Variants in NRG1 observed in about 807,000 individuals in gnomAD.
The protein encoded by NRG1 is neuregulin 1, also known as pro-neuregulin-1, membrane-bound isoform.
In NRG1, 18 loss-of-function variants were observed where a neutral mutation model predicts 63.8. The observed-to-expected ratio is 0.28, with a 90% CI of 0.19 to 0.42. NRG1 has a LOEUF of 0.42. Ranked by LOEUF, NRG1 falls within the 10% of genes least tolerant of loss-of-function variation. The probability of loss-of-function intolerance (pLI) is 1.00; values close to 1 mark genes in which losing one functional copy is unlikely to be tolerated. For missense variants in NRG1, 762 were observed against 814.7 expected (o/e 0.94, Z 0.79); for synonymous variants, 302 against 301.3 (o/e 1.00, Z -0.02).
chr8:31,913,133 T>C (rs1202309221), intron 1 of NRG1, among the ~76,000 whole-genome samples: 1 of 152,192 alleles, frequency 6.6e-6, no homozygotes, highest in Non-Finnish European at 1.5e-5. Context: ...CTCAGTTTGC[T>C]ATAGCTAGAA....
chr8:32,604,825 T>C (rs999374758), intron 2 of NRG1, among the ~76,000 whole-genome samples: 1 of 152,072 alleles, frequency 6.6e-6, no homozygotes, highest in African/African-American at 2.4e-5. Context: ...AAATTATAGG[T>C]TATGTGCAAC....
At chr8:31,944,634 T>C (rs1802258693) in intron 1 of NRG1, among the ~76,000 whole-genome samples, 1 of 152,196 alleles carries the variant, frequency 6.6e-6, no homozygotes, top group South Asian at 2.1e-4. Flanking sequence ...GTTTATTAAC[T>C]TCAGCCTTGT....
intron 1 of NRG1, among the ~76,000 whole-genome samples, chr8:32,385,525 G>C (rs921360337): frequency 1.3e-5 from 2 of 152,100 alleles, no homozygotes; most frequent in Non-Finnish European, 2.9e-5. Flanking sequence ...TTGGTTTCTG[G>C]GGAGGCCTAG....
intron 2 of NRG1, among the ~76,000 whole-genome samples, chr8:32,598,361 A>G (rs1163705665): frequency 8.0e-6 from 1 of 124,312 alleles, no homozygotes; most frequent in African/African-American, 2.6e-5. Context: ...AGATGAGAAA[A>G]TGAATTTTTT....
chr8:31,788,708 A>G (rs1157975984), intron 1 of NRG1, among the ~76,000 whole-genome samples: 1 of 152,228 alleles, frequency 6.6e-6, no homozygotes, highest in African/African-American at 2.4e-5. Flanking sequence ...GTGAGCATAC[A>G]GTGCTGGTAA....
At chr8:32,509,822 G>A (rs1828953843) in intron 1 of NRG1, among the ~76,000 whole-genome samples, 1 of 152,116 alleles carries the variant, frequency 6.6e-6, no homozygotes, top group Admixed American at 6.5e-5. Flanking sequence ...GTCCTAGCCT[G>A]TTGATGTGTG....
intron 1 of NRG1, among the ~76,000 whole-genome samples, chr8:32,511,306 C>A (rs1829168807): frequency 6.7e-6 from 1 of 148,174 alleles, no homozygotes; most frequent in Non-Finnish European, 1.5e-5. Flanking sequence ...TCAACACACA[C>A]ACACACATTT....
intron 1 of NRG1, among the ~76,000 whole-genome samples, chr8:32,023,031 C>A (rs1299975037): frequency 6.6e-6 from 1 of 152,170 alleles, no homozygotes; most frequent in Admixed American, 6.5e-5. Flanking sequence ...GAGACGGATG[C>A]ATATGCAACA....
intron 1 of NRG1, among the ~76,000 whole-genome samples, chr8:32,403,330 A>G (rs1319439817): frequency 6.6e-6 from 1 of 151,678 alleles, no homozygotes; most frequent in Non-Finnish European, 1.5e-5. Flanking sequence ...GAAAGAAAAA[A>G]GAAATGAGCA....
chr8:32,178,403 A>C (rs1841038030), intron 1 of NRG1, among the ~76,000 whole-genome samples: 1 of 152,176 alleles, frequency 6.6e-6, no homozygotes. Flanking sequence ...TGAGGTTAGC[A>C]GTTAGAGACC....
chr8:32,004,279 G>T (rs976121722), intron 1 of NRG1, among the ~76,000 whole-genome samples: 1 of 151,858 alleles, frequency 6.6e-6, no homozygotes, highest in African/African-American at 2.4e-5. Context: ...AGAACACAGG[G>T]CATATTGAGG....
chr8:32,127,559 T>TGTGTGTG (rs1468825128), intron 1 of NRG1, among the ~76,000 whole-genome samples: 1 of 83,438 alleles, frequency 1.2e-5, no homozygotes, highest in Non-Finnish European at 2.8e-5. Flanking sequence ...GTGTGTGTGT[T>TGTGTGTG]TAGAAATTCA....
At chr8:31,982,406 T>A (rs1208803070) in intron 1 of NRG1, among the ~76,000 whole-genome samples, 2 of 152,030 alleles carry the variant, frequency 1.3e-5, no homozygotes, top group Non-Finnish European at 2.9e-5. Context: ...AGAGAAATTC[T>A]GATCATTTAG....
intron 11 of NRG1, among the ~76,000 whole-genome samples, chr8:32,761,839 G>A (rs995266601): frequency 2.0e-5 from 3 of 151,624 alleles, no homozygotes; most frequent in African/African-American, 7.3e-5. Flanking sequence ...AGGAGATCAA[G>A]ACCATCCTGG....
intron 1 of NRG1, among the ~76,000 whole-genome samples, chr8:32,331,356 C>T (rs796560551): frequency 3.3e-4 from 5 of 15,312 alleles, no homozygotes; most frequent in East Asian, 3.4e-3. Context: ...CCCAACTCTA[C>T]AAAAAATACA....
At chr8:31,983,608 C>T (rs1809544452) in intron 1 of NRG1, among the ~76,000 whole-genome samples, 1 of 151,958 alleles carries the variant, frequency 6.6e-6, no homozygotes, top group Admixed American at 6.6e-5. Context: ...TCTCAAACTC[C>T]AGGGTTCATG....
intron 1 of NRG1, among the ~76,000 whole-genome samples, chr8:32,106,794 T>G (rs1031661687): frequency 6.6e-6 from 1 of 152,238 alleles, no homozygotes; most frequent in African/African-American, 2.4e-5. Context: ...CATAGACTTT[T>G]GTCAAAATCA....
chr8:32,454,049 C>G (rs185439247), intron 1 of NRG1, among the ~76,000 whole-genome samples: 1 of 152,142 alleles, frequency 6.6e-6, no homozygotes, highest in Admixed American at 6.5e-5. Flanking sequence ...AAAGCATATC[C>G]TGCCTTGAAA....
At chr8:32,727,926 T>A in intron 5 of NRG1, 23 bp from the exon 6 acceptor site, 4 of 1,612,846 alleles carry the variant, frequency 2.5e-6, no homozygotes, top group Non-Finnish European at 3.4e-6. Flanking sequence ...CATGTTAACC[T>A]TTCTCCTTTC....
Sources: gnomAD v4.1 joint callset for allele counts (sites outside exome capture counted in the v4.1 genomes callset) on GRCh38, gnomAD v4.1.1 for gene constraint, MANE v1.5 for transcripts, NCBI Gene and HGNC (gene_info 2026-07-23, HGNC 2026-07-21) for gene names.